Variants in LARGE1 observed in about 807,000 individuals in gnomAD.
LARGE1 encodes LARGE xylosyl- and glucuronyltransferase 1, also known as xylosyl- and glucuronyltransferase LARGE1.
A neutral mutation model predicts 87.6 loss-of-function variants in LARGE1; 43 were observed. The ratio of observed to expected loss-of-function variants is 0.49; its 90% CI spans 0.38 to 0.63. The LOEUF (loss-of-function observed/expected upper bound fraction) is 0.63. LARGE1 is among the 30% of genes least tolerant of loss of function. The pLI, the probability that LARGE1 is intolerant of heterozygous loss-of-function variation, is 0.00. For synonymous variants in LARGE1, 434 were observed against 394.6 expected, an observed-to-expected ratio of 1.10 and a Z score of -1.18; for missense variants, 802 against 1,000.2, an observed-to-expected ratio of 0.80 and a Z score of 2.67.
At chr22:33,429,296 A>G (rs1224660221) in intron 7 of LARGE1, among the ~76,000 whole-genome samples, 1 of 152,208 alleles carries the variant, frequency 6.6e-6, no homozygotes, top group East Asian at 1.9e-4. Context: ...AAGTCCTTTC[A>G]TAATAATCAC....
chr22:33,503,266 T>G (rs555257648), intron 6 of LARGE1, among the ~76,000 whole-genome samples: 3 of 151,158 alleles, frequency 2.0e-5, no homozygotes, highest in Non-Finnish European at 4.4e-5. Flanking sequence ...TTTGTTTTTT[T>G]TTTTGTTTGA....
chr22:33,452,244 A>G (rs1009875749), intron 6 of LARGE1, among the ~76,000 whole-genome samples: 9 of 152,214 alleles, frequency 5.9e-5, no homozygotes, highest in African/African-American at 2.2e-4. Context: ...AGTGGTGACA[A>G]GAGATGCTAC....
intron 1 of LARGE1, among the ~76,000 whole-genome samples, chr22:33,785,835 G>A (rs1054620988): frequency 6.6e-6 from 1 of 152,062 alleles, no homozygotes; most frequent in Admixed American, 6.6e-5. Context: ...ATTCCAAGCT[G>A]TCAAGAGAGA....
At chr22:33,624,189 C>G (rs2079849411) in intron 4 of LARGE1, among the ~76,000 whole-genome samples, 1 of 152,074 alleles carries the variant, frequency 6.6e-6, no homozygotes, top group Admixed American at 6.6e-5. Flanking sequence ...ATGAACTCCC[C>G]CAGACTGACT....
intron 11 of LARGE1, among the ~76,000 whole-genome samples, chr22:33,224,647 G>A (rs1429524297): frequency 6.6e-6 from 1 of 152,080 alleles, no homozygotes; most frequent in African/African-American, 2.4e-5. Context: ...CGGGTCCACC[G>A]TGACCTAAAC....
intron 11 of LARGE1, among the ~76,000 whole-genome samples, chr22:33,216,014 G>C (rs1044846092): frequency 4.6e-5 from 7 of 152,128 alleles, no homozygotes; most frequent in African/African-American, 1.7e-4. Flanking sequence ...AGCTGGAATT[G>C]GTATTTATTT....
chr22:33,328,026 C>G (rs976145001), intron 10 of LARGE1, among the ~76,000 whole-genome samples: 10 of 152,114 alleles, frequency 6.6e-5, no homozygotes, highest in African/African-American at 2.2e-4. Context: ...AGTCACAGAG[C>G]TTACATTCTA....
At chr22:33,068,561 C>T in the LARGE1 span, among the ~76,000 whole-genome samples, 8 of 152,236 alleles carry the variant, frequency 5.3e-5, no homozygotes, top group South Asian at 8.3e-4. Flanking sequence ...AGGAGAATGG[C>T]GTGGACCCAG....
intron 5 of LARGE1, among the ~76,000 whole-genome samples, chr22:33,572,925 AGACT>A (rs1158847180): frequency 1.3e-5 from 2 of 152,138 alleles, no homozygotes; most frequent in South Asian, 2.1e-4. Context: ...CATAGTCTGG[AGACT>A]GACTGACTGG....
intron 2 of LARGE1, among the ~76,000 whole-genome samples, chr22:33,662,817 C>T (rs1286367186): frequency 6.6e-6 from 1 of 152,066 alleles, no homozygotes. Context: ...TGCCACTTCA[C>T]CTAAATCAGT....
chr22:33,291,679 A>G (rs551511790), intron 12 of LARGE1, among the ~76,000 whole-genome samples: 3 of 149,872 alleles, frequency 2.0e-5, no homozygotes, highest in East Asian at 1.9e-4. Flanking sequence ...CATTTAATAC[A>G]TAATGATTAA....
At chr22:33,168,324 T>C (rs910859553) in intron 11 of LARGE1, among the ~76,000 whole-genome samples, 8 of 152,236 alleles carry the variant, frequency 5.3e-5, no homozygotes, top group Non-Finnish European at 1.2e-4. Context: ...CCAGCATGTC[T>C]GTTCTAGGAG....
At chr22:33,829,006 CTT>C (rs776583343) in intron 1 of LARGE1, among the ~76,000 whole-genome samples, 9 of 94,788 alleles carry the variant, frequency 9.5e-5, no homozygotes, top group African/African-American at 2.6e-4. Context: ...GTCTCTTTTT[CTT>C]TTTTTTTTTT....
In LARGE1 at chr22:33,188,312, C is replaced by T. The variant is rs551774673; in HGVS notation, c.1731-21480G>A. On this transcript the variant is annotated intron_variant, in intron 11 of 11. Coordinates refer to the LARGE1 transcript ENST00000608642. ...ACAGGATGCATAATTCACGAACCCA[C>T]CATGTTGCTGAGGCCCAATCTGCTC... 1.2e-4 allele frequency among the ~76,000 whole-genome samples: 18 copies of T among 152,222 alleles called. No homozygotes were observed. The East Asian group carries it at 3.5e-3, about 29-fold the overall frequency.
chr22:33,068,024 T>G, the LARGE1 span, among the ~76,000 whole-genome samples: 40 of 152,196 alleles, frequency 2.6e-4, no homozygotes, highest in East Asian at 7.3e-3. Flanking sequence ...GTTCTTCCTG[T>G]CTTGTGAGAT....
chr22:33,197,739 C>G (rs1472114807), intron 11 of LARGE1, among the ~76,000 whole-genome samples: 1 of 152,064 alleles, frequency 6.6e-6, no homozygotes, highest in Non-Finnish European at 1.5e-5. Flanking sequence ...TCAATGCACT[C>G]CCAATCAAAA....
chr22:33,804,647 T>C (rs1196893529), intron 1 of LARGE1, among the ~76,000 whole-genome samples: 1 of 152,184 alleles, frequency 6.6e-6, no homozygotes, highest in Non-Finnish European at 1.5e-5. Context: ...ACAACCTACT[T>C]TGATTTTCCC....
intron 1 of LARGE1, among the ~76,000 whole-genome samples, chr22:33,909,593 C>A (rs1244821466): frequency 1.3e-5 from 2 of 151,654 alleles, no homozygotes; most frequent in Non-Finnish European, 2.9e-5. Flanking sequence ...TGGAGGAGTG[C>A]AGTGGCATGA....
At chr22:33,679,418 A>G (rs1359698039) in intron 2 of LARGE1, among the ~76,000 whole-genome samples, 2 of 152,100 alleles carry the variant, frequency 1.3e-5, no homozygotes, top group African/African-American at 2.4e-5. Context: ...CGAATCCATT[A>G]TAACCAATGT....
Sources: allele counts gnomAD v4.1 joint callset (sites outside exome capture counted in the v4.1 genomes callset), GRCh38; gene constraint gnomAD v4.1.1; transcripts MANE v1.5; gene names NCBI Gene and HGNC (gene_info 2026-07-23, HGNC 2026-07-21).